Variants in NLGN1 observed in about 807,000 individuals in gnomAD.
NLGN1 encodes the protein neuroligin-1.
NLGN1 carries 12 observed loss-of-function variants against 65.5 expected under a neutral mutation model. The observed-to-expected ratio is 0.18, with a 90% CI of 0.12 to 0.30. The LOEUF (loss-of-function observed/expected upper bound fraction) is 0.30, where lower values mean the gene tolerates loss of function less well. NLGN1 is among the 10% of genes least tolerant of loss of function. NLGN1 has a pLI of 1.00. For missense variants in NLGN1, 750 were observed against 1,007.1 expected, an observed-to-expected ratio of 0.74 and a Z score of 3.46; for synonymous variants, 350 against 359.5, an observed-to-expected ratio of 0.97 and a Z score of 0.30.
intron 4 of NLGN1, among the ~76,000 whole-genome samples, chr3:174,253,708 G>A (rs565167534): frequency 6.6e-6 from 1 of 152,296 alleles, no homozygotes; most frequent in Non-Finnish European, 1.5e-5. Flanking sequence ...CACCCTGGGG[G>A]AGATTCAGAT....
intron 3 of NLGN1, among the ~76,000 whole-genome samples, chr3:173,776,808 TA>T: frequency 6.6e-6 from 1 of 152,072 alleles, no homozygotes; most frequent in African/African-American, 2.4e-5. Flanking sequence ...TATGACTGAC[TA>T]AAAAATAATC....
chr3:173,901,289 A>G (rs1156855534), intron 4 of NLGN1, among the ~76,000 whole-genome samples: 3 of 151,370 alleles, frequency 2.0e-5, no homozygotes, highest in Non-Finnish European at 2.9e-5. Context: ...CAATTAATAC[A>G]TAGACAAGTT....
At chr3:173,875,713 GC>G (rs1731990325) in intron 4 of NLGN1, among the ~76,000 whole-genome samples, 1 of 152,046 alleles carries the variant, frequency 6.6e-6, no homozygotes, top group East Asian at 1.9e-4. Context: ...AAACAGTTGT[GC>G]TTTCAATTAG....
At chr3:173,922,007 T>C (rs1742108883) in intron 4 of NLGN1, among the ~76,000 whole-genome samples, 2 of 152,126 alleles carry the variant, frequency 1.3e-5, no homozygotes, top group South Asian at 4.1e-4. Context: ...AGGGTGGTGC[T>C]ACATAATTCC....
chr3:173,637,339 G>A (rs1296627047), intron 3 of NLGN1, among the ~76,000 whole-genome samples: 2 of 151,930 alleles, frequency 1.3e-5, no homozygotes, highest in Non-Finnish European at 2.9e-5. Context: ...CTGCTATTAT[G>A]GTACTTAAAA....
At position 173,507,823 on chromosome 3, in the gene NLGN1, G is replaced by A. The variant is rs1577028427; in HGVS notation, c.-321+72745G>A. The stretch of plus-strand genomic sequence containing the variant: ...AAAATGCAAACAGGCATTGGTATTA[G>A]GGAAGACATTGGCTTTGAAGCAACA... On this transcript the variant is annotated intron_variant, in intron 2 of 6. Coordinates refer to ENST00000457714, the Ensembl canonical transcript of NLGN1. 3.9e-5 allele frequency among the ~76,000 whole-genome samples: 6 copies of A among 152,228 alleles called. No individual in the cohort carries two copies. In the South Asian group the frequency reaches 1.2e-3, roughly 32 times the overall value.
intron 4 of NLGN1, among the ~76,000 whole-genome samples, chr3:174,201,346 T>TGAAG (rs750062965): frequency 0.022 from 613 of 27,648 alleles, 4 homozygotes; most frequent in South Asian, 0.057. Context: ...GTGGGAGGAA[T>TGAAG]GAAGGAAGGA....
In NLGN1 at chr3:173,471,154, A is replaced by G. The variant is rs918751086; in HGVS notation, c.-321+36076A>G. Among the ~76,000 whole-genome samples, 16 of 152,174 alleles carry G rather than the reference A, an allele frequency of 1.1e-4. 1 individual carries two copies. Among genetic ancestry groups the G allele is most frequent in the Admixed American group, 8.5e-4 (13 of 15,250 alleles). On this transcript the variant is annotated intron_variant, in intron 2 of 6. Coordinates refer to ENST00000457714, the Ensembl canonical transcript of NLGN1. ...GGAAGACATTGTACTTTGAAGTACT[A>G]CTGTTGCCTCGGGTCAGCATTAAGT...
intron 3 of NLGN1, among the ~76,000 whole-genome samples, chr3:173,718,489 A>G (rs1170337286): frequency 1.3e-5 from 2 of 152,226 alleles, no homozygotes; most frequent in African/African-American, 2.4e-5. Context: ...AAATTAGTAA[A>G]TCGATTTTAT....
At chr3:173,971,075 T>C (rs1297237683) in intron 4 of NLGN1, among the ~76,000 whole-genome samples, 2 of 152,092 alleles carry the variant, frequency 1.3e-5, no homozygotes, top group Non-Finnish European at 2.9e-5. Flanking sequence ...ATGGAGGAGA[T>C]AGACAAGAAG....
chr3:173,639,309 C>T (rs563991779), intron 3 of NLGN1, among the ~76,000 whole-genome samples: 4 of 152,112 alleles, frequency 2.6e-5, no homozygotes, highest in South Asian at 2.1e-4. Flanking sequence ...GGAGGTTCAA[C>T]GAGACAGGTG....
intron 2 of NLGN1, among the ~76,000 whole-genome samples, chr3:173,502,933 A>G (rs1331272969): frequency 1.3e-5 from 2 of 152,108 alleles, no homozygotes; most frequent in African/African-American, 4.8e-5. Context: ...AGTTACATAA[A>G]CTAAAGTTGA....
chr3:173,903,216 C>T (rs1737711402), intron 4 of NLGN1, among the ~76,000 whole-genome samples: 1 of 151,866 alleles, frequency 6.6e-6, no homozygotes, highest in African/African-American at 2.4e-5. Context: ...TAGATCAGAT[C>T]GGCAGTAATC....
intron 5 of NLGN1, among the ~76,000 whole-genome samples, chr3:174,276,659 C>G (rs549084333): frequency 1.3e-5 from 2 of 151,900 alleles, no homozygotes; most frequent in South Asian, 4.1e-4. Flanking sequence ...TTAAATGAAT[C>G]CATGTATTTG....
chr3:174,209,924 C>T (rs1410449095), intron 4 of NLGN1, among the ~76,000 whole-genome samples: 1 of 151,984 alleles, frequency 6.6e-6, no homozygotes, highest in East Asian at 1.9e-4. Context: ...AACCACCGCG[C>T]CTGGCTGTCT....
chr3:173,632,449 G>A (rs1021498150), intron 3 of NLGN1, among the ~76,000 whole-genome samples: 7 of 152,114 alleles, frequency 4.6e-5, no homozygotes, highest in Non-Finnish European at 7.4e-5. Context: ...GAAGATGCCT[G>A]TAGTCACTGG....
At chr3:173,981,568 A>G (rs1718790243) in intron 4 of NLGN1, among the ~76,000 whole-genome samples, 1 of 152,158 alleles carries the variant, frequency 6.6e-6, no homozygotes, top group African/African-American at 2.4e-5. Flanking sequence ...GTTGTTTAAT[A>G]GCATTGGCTG....
chr3:173,771,299 A>G (rs1428097820), intron 3 of NLGN1, among the ~76,000 whole-genome samples: 1 of 152,192 alleles, frequency 6.6e-6, no homozygotes. Context: ...ACATCTGTAG[A>G]ATCAAACTAA....
chr3:173,871,280 A>C (rs1326493030), intron 4 of NLGN1, among the ~76,000 whole-genome samples: 1 of 152,176 alleles, frequency 6.6e-6, no homozygotes, highest in Non-Finnish European at 1.5e-5. Flanking sequence ...TTTATAATGA[A>C]CCAGTAGATG....
Sources: allele counts gnomAD v4.1 joint callset (sites outside exome capture counted in the v4.1 genomes callset), GRCh38; gene constraint gnomAD v4.1.1; transcripts MANE v1.5; gene names NCBI Gene and HGNC (gene_info 2026-07-23, HGNC 2026-07-21).